The following CTNNBL1 variants were observed in gnomAD, a reference collection of about 807,000 sequenced individuals.
CTNNBL1 encodes the protein beta-catenin-like protein 1.
Under a neutral mutation model 72.7 loss-of-function variants are expected in CTNNBL1, and 31 were observed. The ratio of observed to expected loss-of-function variants is 0.43; its 90% CI spans 0.32 to 0.58. The LOEUF (loss-of-function observed/expected upper bound fraction) is 0.58, where lower values mean the gene tolerates loss of function less well. Ranked by LOEUF, CTNNBL1 falls within the 20% of genes least tolerant of loss-of-function variation. The pLI, the probability that CTNNBL1 is intolerant of heterozygous loss-of-function variation, is 0.08. For synonymous variants in CTNNBL1, 240 were observed against 267.3 expected (o/e 0.90, Z 1.00); for missense variants, 534 against 725.1 (o/e 0.74, Z 3.03).
chr20:37,829,760 TGG>T (rs1396980341), intron 11 of CTNNBL1, among the ~76,000 whole-genome samples: 2 of 152,192 alleles, frequency 1.3e-5, no homozygotes, highest in African/African-American at 4.8e-5. Context: ...TTAGCTCCTC[TGG>T]CTGGGAGAGC....
chr20:37,803,207 C>T (rs1376058978), intron 11 of CTNNBL1, among the ~76,000 whole-genome samples, 159 bp downstream of exon 11: 1 of 152,064 alleles, frequency 6.6e-6, no homozygotes, highest in African/African-American at 2.4e-5. Context: ...AAAAGAGACC[C>T]CAGGTCACTG....
At chr20:37,810,103 AAC>A (rs2071996494) in intron 11 of CTNNBL1, among the ~76,000 whole-genome samples, 5 of 152,284 alleles carry the variant, frequency 3.3e-5, no homozygotes, top group East Asian at 1.9e-4. Context: ...ATGCAAATCT[AAC>A]ACAGTGTCGG....
intron 1 of CTNNBL1, among the ~76,000 whole-genome samples, chr20:37,725,318 G>A (rs1241505587): frequency 4.7e-5 from 7 of 150,216 alleles, no homozygotes; most frequent in Admixed American, 2.0e-4. Flanking sequence ...TTTTTGAGGC[G>A]GAGTTTCACT....
At chr20:37,776,314 T>C (rs532989530) in intron 7 of CTNNBL1, among the ~76,000 whole-genome samples, 1 of 152,328 alleles carries the variant, frequency 6.6e-6, no homozygotes, top group East Asian at 1.9e-4. Context: ...TGATACTGAA[T>C]ATTGCTTGAT....
intron 15 of CTNNBL1, among the ~76,000 whole-genome samples, chr20:37,862,107 G>A (rs941846871): frequency 1.8e-4 from 20 of 112,634 alleles, no homozygotes; most frequent in African/African-American, 7.1e-4. Flanking sequence ...GAAAAAGAGA[G>A]TAAAGGGGTC....
At chr20:37,869,120 G>C (rs537483180) in intron 15 of CTNNBL1, among the ~76,000 whole-genome samples, 43 of 152,202 alleles carry the variant, frequency 2.8e-4, no homozygotes, top group Admixed American at 1.2e-3. Flanking sequence ...TGGAGGTGAT[G>C]GATGGGCCTA....
chr20:37,811,040 TGA>T (rs958472535), intron 11 of CTNNBL1, among the ~76,000 whole-genome samples: 10 of 152,238 alleles, frequency 6.6e-5, no homozygotes, highest in African/African-American at 2.4e-4. Context: ...GGAATGAGGA[TGA>T]GTTTCCAGTT....
rs751072216 is a variant in CTNNBL1 at position 37,746,552 on chromosome 20, G to A, written c.411G>A (p.Leu137=). Residue 137 remains leucine, a synonymous_variant, in exon 4 of 16, where the codon CTG becomes CTA. Coordinates refer to ENST00000361383, the MANE Select transcript of CTNNBL1 (RefSeq NM_030877.5). ...CCATGCCAGACCTGTACCACCTTCTGGTGGAGCTGAATGCTGTACAGTCGC... is the reference window on the plus strand; with the variant it reads ...CCATGCCAGACCTGTACCACCTTCTAGTGGAGCTGAATGCTGTACAGTCGC... ...VATMPDLYHL[L]VELNAVQSLL... 31 of 1,613,998 alleles carry A rather than the reference G, an allele frequency of 1.9e-5. No individual in the cohort carries two copies. Among genetic ancestry groups the A allele is most frequent in the Admixed American group, 3.3e-5 (2 of 60,004 alleles).
chr20:37,753,760 T>A (rs1314370866), intron 4 of CTNNBL1, among the ~76,000 whole-genome samples: 1 of 152,216 alleles, frequency 6.6e-6, no homozygotes, highest in African/African-American at 2.4e-5. Context: ...CATTTATTCC[T>A]TATAGCTACT....
At chr20:37,776,732 G>A (rs540940971) in intron 7 of CTNNBL1, among the ~76,000 whole-genome samples, 1 of 152,312 alleles carries the variant, frequency 6.6e-6, no homozygotes, top group East Asian at 1.9e-4. Flanking sequence ...GGAAAGAATT[G>A]TGGGTAGTAA....
chr20:37,837,201 T>C (rs747716247), intron 11 of CTNNBL1, among the ~76,000 whole-genome samples: 2 of 152,002 alleles, frequency 1.3e-5, no homozygotes, highest in Non-Finnish European at 2.9e-5. Flanking sequence ...TATCCTACTT[T>C]CTCACCCCGA....
At chr20:37,805,942 A>G (rs2071956356) in intron 11 of CTNNBL1, among the ~76,000 whole-genome samples, 1 of 152,214 alleles carries the variant, frequency 6.6e-6, no homozygotes, top group African/African-American at 2.4e-5. Flanking sequence ...TGAAAGGCTC[A>G]TTGAGGACAA....
chr20:37,752,806 T>TA (rs2122637423), intron 4 of CTNNBL1, among the ~76,000 whole-genome samples: 1 of 152,278 alleles, frequency 6.6e-6, no homozygotes, highest in Non-Finnish European at 1.5e-5. Flanking sequence ...AGTGGACAGG[T>TA]ACAGAGGGAG....
intron 11 of CTNNBL1, among the ~76,000 whole-genome samples, chr20:37,808,587 C>T (rs980876727): frequency 1.3e-5 from 2 of 152,156 alleles, no homozygotes; most frequent in African/African-American, 4.8e-5. Context: ...ATTCCATCTC[C>T]AGATACTTTT....
Position 37,872,004 on chromosome 20 carries a change from G to C in CTNNBL1, c.1683G>C (p.Glu561Asp). Reference sequence around the variant, plus strand: ...AAAAGCGCATCCTGGGCTTGCTGGAGAACTTCTAGAGGCACCTTGGCCCTG... The same window carrying C: ...AAAAGCGCATCCTGGGCTTGCTGGACAACTTCTAGAGGCACCTTGGCCCTG... Reference protein sequence around the residue: ...NEQKRILGLLENF With the variant: ...NEQKRILGLLDNF The change falls in exon 16 of 16, where the codon GAG becomes GAC. Residue 561 changes from glutamate to aspartate, a missense_variant. Coordinates refer to ENST00000361383, the MANE Select transcript of CTNNBL1 (RefSeq NM_030877.5). 1.2e-6 allele frequency: 2 copies of C among 1,614,042 alleles called. No individual in the cohort carries two copies. The highest frequency in any genetic ancestry group is 1.7e-6 in the Non-Finnish European group (2 of 1,179,926).
intron 10 of CTNNBL1, among the ~76,000 whole-genome samples, chr20:37,783,308 A>T (rs2122699583): frequency 6.6e-6 from 1 of 151,936 alleles, no homozygotes; most frequent in East Asian, 1.9e-4. Context: ...TATCTTTTGA[A>T]ACCTAACTTT....
rs991986955 is a variant in CTNNBL1 at position 37,732,915 on chromosome 20, G to A, written c.67G>A (p.Glu23Lys). Residue 23 changes from glutamate (E) to lysine (K), a missense_variant, in exon 2 of 16, where the codon GAG becomes AAG. Coordinates refer to ENST00000361383, the MANE Select transcript of CTNNBL1 (RefSeq NM_030877.5). Reference protein sequence around the residue: ...RGTKRPRDDEEEEQKMRRKQT... With the variant: ...RGTKRPRDDEKEEQKMRRKQT... The stretch of plus-strand genomic sequence containing the variant: ...CACAAAACGTCCCCGGGATGATGAA[G>A]AGGAGGAGCAGAAGATGCGTCGGAA... The A allele has an allele frequency of 3.7e-6, 6 of 1,613,888 alleles. No homozygotes were observed. The African/African-American group carries it at 8.0e-5, about 22-fold the overall frequency.
At position 37,695,762 on chromosome 20, in the gene CTNNBL1, T is replaced by C. The variant is rs149464136; in HGVS notation, c.30+1610T>C. ...TTCTTCATCTGTAAATGGGGGACAG[T>C]GACGGTAGCTGCCTCACAGGGCTGT... On this transcript the variant is annotated intron_variant, in intron 1 of 15. Coordinates refer to ENST00000361383, the MANE Select transcript of CTNNBL1 (RefSeq NM_030877.5). 4.6e-5 allele frequency among the ~76,000 whole-genome samples: 7 copies of C among 152,310 alleles called. No homozygotes were observed. The East Asian group carries it at 1.3e-3, about 29-fold the overall frequency.
intron 4 of CTNNBL1, 77 bp downstream of exon 4, chr20:37,746,684 T>C (rs772183102): frequency 2.6e-6 from 4 of 1,516,474 alleles, no homozygotes; most frequent in Non-Finnish European, 3.7e-6. Flanking sequence ...CTGTCTCTCT[T>C]TGTAGATGTG....
Sources: allele counts gnomAD v4.1 joint callset (sites outside exome capture counted in the v4.1 genomes callset), GRCh38; gene constraint gnomAD v4.1.1; transcripts MANE v1.5; gene names NCBI Gene and HGNC (gene_info 2026-07-23, HGNC 2026-07-21).